Variants in EPB41L4A observed in about 807,000 individuals in gnomAD.
The protein encoded by EPB41L4A is erythrocyte membrane protein band 4.1 like 4A, also known as band 4.1-like protein 4A.
Under a neutral mutation model 108.6 loss-of-function variants are expected in EPB41L4A, and 100 were observed. The ratio of observed to expected loss-of-function variants is 0.92; its 90% CI spans 0.78 to 1.09. EPB41L4A has a LOEUF of 1.09. Among genes scored for constraint, EPB41L4A ranks in the 50% least tolerant of loss-of-function variants. The pLI, the probability that EPB41L4A is intolerant of heterozygous loss-of-function variation, is 0.00. For synonymous variants in EPB41L4A, 319 were observed against 289.0 expected (o/e 1.10, Z -1.05); for missense variants, 1,030 against 842.7 (o/e 1.22, Z -2.75).
Position 112,419,000 on chromosome 5 carries a change from C to T in EPB41L4A, c.40G>A (p.Glu14Lys), listed in dbSNP as rs766612505. The T allele has an allele frequency of 1.9e-6, 3 of 1,613,662 alleles. No homozygotes were observed. Among genetic ancestry groups the T allele is most frequent in the Non-Finnish European group, 2.5e-6 (3 of 1,179,736 alleles). The change falls in exon 1 of 23, where the codon GAA becomes AAA. Residue 14 changes from glutamate to lysine, a missense_variant. Glu to Lys is a moderately conservative substitution (Grantham distance 56, BLOSUM62 1). Coordinates refer to ENST00000261486, the MANE Select transcript of EPB41L4A (RefSeq NM_022140.5). Reference protein sequence around the residue: ...FCAVPEEFYCEVLLLDESKLT... With the variant: ...FCAVPEEFYCKVLLLDESKLT... Reference sequence around the variant, plus strand: ...TTGGATTCATCCAGGAGCAAAACTTCGCAGTAAAATTCTTCCGGAACAGCG... The same window carrying T: ...TTGGATTCATCCAGGAGCAAAACTTTGCAGTAAAATTCTTCCGGAACAGCG...
chr5:112,270,772 C>T (rs547828679), intron 4 of EPB41L4A, among the ~76,000 whole-genome samples: 3 of 152,188 alleles, frequency 2.0e-5, no homozygotes, highest in Admixed American at 2.0e-4. Flanking sequence ...AAAACAAACC[C>T]ATCTTCACCA....
chr5:112,365,602 G>A (rs79835047), intron 1 of EPB41L4A, among the ~76,000 whole-genome samples: 19,771 of 152,116 alleles, frequency 0.13, 1,445 homozygotes, highest in East Asian at 0.27. Context: ...ACCATGGTAC[G>A]TTTGTTACAA....
At chr5:112,314,431 G>C (rs999652095) in intron 1 of EPB41L4A, among the ~76,000 whole-genome samples, 2 of 145,158 alleles carry the variant, frequency 1.4e-5, no homozygotes. Context: ...AATTTGGGAC[G>C]TCGAGGCGGG....
At chr5:112,325,128 G>A (rs190388069) in intron 1 of EPB41L4A, among the ~76,000 whole-genome samples, 10 of 142,692 alleles carry the variant, frequency 7.0e-5, no homozygotes, top group East Asian at 5.8e-4. Flanking sequence ...TCCAAACTGC[G>A]AGAAATTACG....
intron 12 of EPB41L4A, among the ~76,000 whole-genome samples, chr5:112,221,720 T>C (rs1748064939): frequency 1.3e-5 from 2 of 152,208 alleles, no homozygotes; most frequent in Non-Finnish European, 2.9e-5. Context: ...TAAATTCTTG[T>C]TGAATAAGAA....
At chr5:112,322,300 T>C (rs1041592540) in intron 1 of EPB41L4A, among the ~76,000 whole-genome samples, 2 of 152,170 alleles carry the variant, frequency 1.3e-5, no homozygotes, top group Non-Finnish European at 2.9e-5. Context: ...AGAATACGCA[T>C]ACAGAGCCAG....
intron 1 of EPB41L4A, among the ~76,000 whole-genome samples, chr5:112,364,251 C>A (rs530631802): frequency 3.9e-5 from 6 of 152,322 alleles, no homozygotes; most frequent in African/African-American, 9.6e-5. Flanking sequence ...GTCTCGAACT[C>A]CTGACCTCAG....
intron 13 of EPB41L4A, 152 bp from the exon 14 acceptor site, chr5:112,205,656 G>C: frequency 1.6e-6 from 1 of 643,886 alleles, no homozygotes. Context: ...AGAACATGAA[G>C]TCGCTGCCCA....
chr5:112,313,149 T>A (rs1755156530), intron 1 of EPB41L4A, among the ~76,000 whole-genome samples: 1 of 152,146 alleles, frequency 6.6e-6, no homozygotes, highest in Non-Finnish European at 1.5e-5. Context: ...CAGAATATAA[T>A]GCAAAGTGAT....
At chr5:112,165,222 GTTAA>G in intron 22 of EPB41L4A, 104 bp from the exon 23 acceptor site, 1 of 852,056 alleles carries the variant, frequency 1.2e-6, no homozygotes, top group South Asian at 1.8e-5. Flanking sequence ...AAGATACTGA[GTTAA>G]TTCAAAAGTT....
chr5:112,303,490 G>A (rs1027798387), intron 2 of EPB41L4A, among the ~76,000 whole-genome samples: 2 of 152,086 alleles, frequency 1.3e-5, no homozygotes, highest in African/African-American at 4.8e-5. Flanking sequence ...ACAAAATCCT[G>A]GTGAACACCA....
intron 4 of EPB41L4A, among the ~76,000 whole-genome samples, chr5:112,267,215 T>G (rs138209544): frequency 2.0e-5 from 3 of 152,280 alleles, no homozygotes; most frequent in African/African-American, 7.2e-5. Flanking sequence ...CTTACACATA[T>G]GCACACACAC....
chr5:112,415,396 T>C (rs1324482366), intron 1 of EPB41L4A, among the ~76,000 whole-genome samples: 2 of 152,148 alleles, frequency 1.3e-5, no homozygotes, highest in Non-Finnish European at 2.9e-5. Context: ...GTTTAGTCAA[T>C]ACTCATAGGG....
intron 4 of EPB41L4A, among the ~76,000 whole-genome samples, chr5:112,272,269 T>C (rs10478075): frequency 0.067 from 9,992 of 149,232 alleles, 379 homozygotes; most frequent in African/African-American, 0.077. Flanking sequence ...CAAGCAGGAG[T>C]AACCGGGAGT....
At chr5:112,194,543 G>A (rs749914045) in intron 17 of EPB41L4A, 25 bp downstream of exon 17, 2 of 1,377,230 alleles carry the variant, frequency 1.5e-6, no homozygotes, top group Non-Finnish European at 2.0e-6. Flanking sequence ...CAGAGTGCCA[G>A]TTAATTATAA....
intron 13 of EPB41L4A, 63 bp from the exon 14 acceptor site, chr5:112,205,567 CTTAT>C (rs905282555): frequency 7.8e-7 from 1 of 1,279,334 alleles, no homozygotes; most frequent in Non-Finnish European, 1.1e-6. Context: ...AACTCACATA[CTTAT>C]TTGTTAAGTA....
intron 1 of EPB41L4A, among the ~76,000 whole-genome samples, chr5:112,308,817 T>C (rs1467659269): frequency 6.6e-6 from 1 of 151,724 alleles, no homozygotes; most frequent in Non-Finnish European, 1.5e-5. Flanking sequence ...TACAATTCAT[T>C]TGATGAGAGT....
intron 1 of EPB41L4A, among the ~76,000 whole-genome samples, chr5:112,413,587 TG>T (rs1762534043): frequency 6.6e-6 from 1 of 152,146 alleles, no homozygotes; most frequent in Non-Finnish European, 1.5e-5. Flanking sequence ...CCAGAAATAA[TG>T]CATGCAGTGT....
intron 4 of EPB41L4A, among the ~76,000 whole-genome samples, chr5:112,272,441 C>G (rs929066325): frequency 6.7e-6 from 1 of 149,006 alleles, no homozygotes; most frequent in Non-Finnish European, 1.5e-5. Context: ...GCACCTGGCC[C>G]TAATTTTTTT....
Sources: allele counts gnomAD v4.1 joint callset (sites outside exome capture counted in the v4.1 genomes callset), GRCh38; gene constraint gnomAD v4.1.1; transcripts MANE v1.5; gene names NCBI Gene and HGNC (gene_info 2026-07-23, HGNC 2026-07-21).